KIF5B: variants seen among roughly 807,000 people sequenced by gnomAD.
KIF5B encodes the protein kinesin family member 5B.
A neutral mutation model predicts 132.8 loss-of-function variants in KIF5B; 49 were observed. The ratio of observed to expected loss-of-function variants is 0.37; its 90% CI spans 0.29 to 0.47. The LOEUF (loss-of-function observed/expected upper bound fraction) is 0.47, where lower values mean the gene tolerates loss of function less well. Among genes scored for constraint, KIF5B ranks in the 20% least tolerant of loss-of-function variants. The pLI, the probability that KIF5B is intolerant of heterozygous loss-of-function variation, is 1.00. For synonymous variants in KIF5B, 355 were observed against 369.4 expected (o/e 0.96, Z 0.45); for missense variants, 780 against 1,144.0 (o/e 0.68, Z 4.59).
intron 2 of KIF5B, among the ~76,000 whole-genome samples, chr10:32,046,916 C>G (rs561138504): frequency 8.7e-6 from 1 of 115,062 alleles, no homozygotes; most frequent in East Asian, 3.1e-4. Flanking sequence ...ACCTACCAAA[C>G]ACCATGGCTT....
intron 8 of KIF5B, among the ~76,000 whole-genome samples, chr10:32,037,043 G>C (rs950904184): frequency 6.6e-6 from 1 of 152,072 alleles, no homozygotes; most frequent in Non-Finnish European, 1.5e-5. Context: ...ACCACTTATG[G>C]GTTGAACTAG....
At chr10:32,047,939 T>C (rs895113490) in intron 2 of KIF5B, among the ~76,000 whole-genome samples, 3 of 152,266 alleles carry the variant, frequency 2.0e-5, no homozygotes, top group Admixed American at 6.5e-5. Flanking sequence ...TCAATGGTTT[T>C]AGAATATATA....
At chr10:32,054,990 C>G (rs993423151) in intron 1 of KIF5B, among the ~76,000 whole-genome samples, 1 of 152,098 alleles carries the variant, frequency 6.6e-6, no homozygotes, top group African/African-American at 2.4e-5. Context: ...TAATACTGGT[C>G]AATTTTTATC....
intron 5 of KIF5B, 100 bp downstream of exon 5, chr10:32,038,678 A>G: frequency 1.3e-6 from 1 of 763,574 alleles, no homozygotes; most frequent in Non-Finnish European, 2.1e-6. Context: ...CAATAACTTA[A>G]GACAATTTCA....
At chr10:32,015,425 G>A in intron 25 of KIF5B, 84 bp downstream of exon 25, 2 of 1,023,564 alleles carry the variant, frequency 2.0e-6, no homozygotes, top group East Asian at 2.6e-5. Context: ...TAACACTAAT[G>A]TGAGAATTTT....
chr10:32,034,299 A>AG (rs1841437545), intron 11 of KIF5B, among the ~76,000 whole-genome samples: 3 of 151,946 alleles, frequency 2.0e-5, no homozygotes, highest in Admixed American at 6.6e-5. Flanking sequence ...TTCAGTAGAG[A>AG]TGGGGTTTCA....
In KIF5B at chr10:32,035,877, C is replaced by G; in HGVS notation, c.816+13G>C. ...CATAAGGTAACAGGGAGATAGAAGA[C>G]ATGTATACTCACACTACCCTCAGCC... On this transcript the variant is annotated intron_variant, in intron 9 of 25. Coordinates refer to ENST00000302418, the MANE Select transcript of KIF5B (RefSeq NM_004521.3). The G allele has an allele frequency of 6.3e-7, 1 of 1,588,766 alleles. No individual in the cohort carries two copies. The highest frequency in any genetic ancestry group is 8.6e-7 in the Non-Finnish European group (1 of 1,162,446).
At chr10:32,029,200 G>A (rs1841368379) in intron 14 of KIF5B, among the ~76,000 whole-genome samples, 3 of 152,144 alleles carry the variant, frequency 2.0e-5, no homozygotes, top group Non-Finnish European at 2.9e-5. Flanking sequence ...AACTCATATG[G>A]CAGAACAGAT....
In KIF5B at chr10:32,035,037, T is replaced by TA. The variant is rs577102313; in HGVS notation, c.963-200dup. Reference sequence around the variant, plus strand: ...CTGCTCCAAAATCTGTGAATAGCTTTAAAAAAAAAAAAATCAACAAACCAC... The same window carrying TA: ...CTGCTCCAAAATCTGTGAATAGCTTTAAAAAAAAAAAAAATCAACAAACCAC... On this transcript the variant is annotated intron_variant, in intron 10 of 25. Transcript: ENST00000302418. Among the ~76,000 whole-genome samples, 308 of 144,062 alleles carry TA rather than the reference T, an allele frequency of 2.1e-3. 2 individuals are homozygous for TA. Among genetic ancestry groups the TA allele is most frequent in the South Asian group, 4.6e-3 (21 of 4,586 alleles). The allele number at this position is 144,062 out of a possible 152,430, so 94.5% of individuals were successfully genotyped here. A position where few individuals can be genotyped will look rare whatever the true frequency, so the allele number is the denominator to read the frequency against.
At chr10:32,022,317 T>C in intron 16 of KIF5B, 60 bp from the exon 17 acceptor site, 5 of 800,506 alleles carry the variant, frequency 6.2e-6, no homozygotes, top group East Asian at 2.5e-5. Context: ...TTAAGAATAT[T>C]TGACAGTAAA....
At chr10:32,049,438 AT>A in intron 1 of KIF5B, among the ~76,000 whole-genome samples, 1 of 152,194 alleles carries the variant, frequency 6.6e-6, no homozygotes. Flanking sequence ...TCTCCCCAGT[AT>A]TAGTCATGAA....
Position 32,056,126 on chromosome 10 carries a change from G to A in KIF5B, c.-153C>T, listed in dbSNP as rs1044312308. 3 of 898,234 alleles carry A rather than the reference G, an allele frequency of 3.3e-6. No homozygotes were observed. The African/African-American group carries it at 5.3e-5, about 16-fold the overall frequency. 55.6% of individuals were successfully genotyped at this position (898,234 alleles called of 1,614,324 possible). On this transcript the variant is annotated 5_prime_UTR_variant, in exon 1 of 26. Coordinates refer to ENST00000302418, the MANE Select transcript of KIF5B (RefSeq NM_004521.3). ...CGCTTCCCCGGGTGGAGGCGGCCGG[G>A]GAGCCGGGACTTGAAGAGCCGGCGC... is the stretch of plus-strand genomic sequence containing the variant.
In KIF5B at chr10:32,038,154, TATAA is replaced by T. The variant is rs1841485373; in HGVS notation, c.498+5_498+8del. 1 of 1,536,666 alleles carries T rather than the reference TATAA, an allele frequency of 6.5e-7. No homozygotes were observed. Among genetic ancestry groups the T allele is most frequent in the Admixed American group, 1.8e-5 (1 of 56,752 alleles). ...TACAGGGTTTTCTAGACAACTGTAC[TATAA>T]ATACCTTTACATAGGGAACTCGGTT... On this transcript the variant is annotated splice_donor_5th_base_variant and intron_variant, in intron 6 of 25. Coordinates refer to ENST00000302418, the MANE Select transcript of KIF5B (RefSeq NM_004521.3).
chr10:32,020,565 C>T (rs903944949), intron 19 of KIF5B, among the ~76,000 whole-genome samples: 1 of 152,050 alleles, frequency 6.6e-6, no homozygotes, highest in Non-Finnish European at 1.5e-5. Flanking sequence ...GGACTACAGG[C>T]ATGTGCCACC....
At chr10:32,042,789 C>T (rs552505563) in intron 2 of KIF5B, among the ~76,000 whole-genome samples, 1 of 152,186 alleles carries the variant, frequency 6.6e-6, no homozygotes, top group Non-Finnish European at 1.5e-5. Flanking sequence ...GATAACAGCA[C>T]ATCACGTTGT....
chr10:32,024,594 T>C (rs1304817281), intron 15 of KIF5B, among the ~76,000 whole-genome samples: 2 of 151,342 alleles, frequency 1.3e-5, no homozygotes, highest in Non-Finnish European at 2.9e-5. Context: ...CGAAACCCAG[T>C]TGCTACTAAA....
At chr10:32,049,075 T>G (rs1326933349) in intron 1 of KIF5B, among the ~76,000 whole-genome samples, 1 of 152,156 alleles carries the variant, frequency 6.6e-6, no homozygotes, top group Admixed American at 6.5e-5. Context: ...GAGATCCTCC[T>G]GCCTCAGCCT....
At chr10:32,032,817 G>T in intron 12 of KIF5B, 43 bp from the exon 13 acceptor site, 3 of 1,453,712 alleles carry the variant, frequency 2.1e-6, no homozygotes, top group Non-Finnish European at 2.9e-6. Flanking sequence ...CTAACAACCT[G>T]GTTCTAGTTG....
rs1310835912 is a variant in KIF5B at position 32,056,344 on chromosome 10, C to T, written c.-371G>A. Reference sequence around the variant, plus strand: ...TTCTTCCTCCTCGCGAAGAGCAGGCCGGGCCTACCCGTCCGCCCGCTCTGC... The same window carrying T: ...TTCTTCCTCCTCGCGAAGAGCAGGCTGGGCCTACCCGTCCGCCCGCTCTGC... On this transcript the variant is annotated 5_prime_UTR_variant, in exon 1 of 26. Coordinates refer to ENST00000302418, the MANE Select transcript of KIF5B (RefSeq NM_004521.3). The T allele has an allele frequency of 8.2e-6, 2 of 243,920 alleles. No individual in the cohort carries two copies. The highest frequency in any genetic ancestry group is 3.3e-4 in the East Asian group (2 of 6,050). 15.1% of individuals were successfully genotyped at this position (243,920 alleles called of 1,614,324 possible).
Sources: gnomAD v4.1 joint callset for allele counts (sites outside exome capture counted in the v4.1 genomes callset) on GRCh38, gnomAD v4.1.1 for gene constraint, MANE v1.5 for transcripts, NCBI Gene and HGNC (gene_info 2026-07-23, HGNC 2026-07-21) for gene names.